MEDAG: variants seen among roughly 807,000 people sequenced by gnomAD.
The protein encoded by MEDAG is mesenteric estrogen-dependent adipogenesis protein.
Under a neutral mutation model 29.9 loss-of-function variants are expected in MEDAG, and 25 were observed. That is an observed-to-expected ratio of 0.84 (90% CI 0.61 to 1.17). MEDAG has a LOEUF of 1.17. Among genes scored for constraint, MEDAG ranks in the 50% most tolerant of loss-of-function variants. The pLI is 0.00. For synonymous variants in MEDAG, 158 were observed against 148.2 expected (o/e 1.07, Z -0.48); for missense variants, 398 against 372.9 (o/e 1.07, Z -0.56).
chr13:30,909,116 CAAAAA>C (rs10708028), intron 1 of MEDAG: 14 of 83,496 alleles, frequency 1.7e-4, no homozygotes, highest in South Asian at 4.7e-4. Context: ...GACCCTGTCT[CAAAAA>C]AAAAAAAAAA....
rs753747875 is a variant in MEDAG at position 30,906,608 on chromosome 13, G to A, written c.93G>A (p.Glu31=). 206 of 1,585,360 alleles carry A rather than the reference G, an allele frequency of 1.3e-4. No individual in the cohort carries two copies. The highest frequency in any genetic ancestry group is 1.6e-4 in the Non-Finnish European group (185 of 1,174,692). ...GCAGCCTGTGGACCTGCGACTGCGA[G>A]CTGGCCCTGCTGCCGCTGGCTCAGC... ...ELRSLWTCDC[E]LALLPLAQLL... The change falls in exon 1 of 5, where the codon GAG becomes GAA. Residue 31 remains glutamate (E), a synonymous_variant. Transcript: ENST00000380482.
intron 1 of MEDAG, among the ~76,000 whole-genome samples, chr13:30,907,531 A>T (rs931412880): frequency 6.6e-6 from 1 of 152,038 alleles, no homozygotes; most frequent in Non-Finnish European, 1.5e-5. Flanking sequence ...GACCGGCAGG[A>T]TGTGGCCCAG....
intron 2 of MEDAG, among the ~76,000 whole-genome samples, chr13:30,919,297 T>G (rs1298536700): frequency 6.6e-6 from 1 of 152,262 alleles, no homozygotes; most frequent in Admixed American, 6.5e-5. Context: ...TAAACTGCAC[T>G]TTTGTGCAAA....
At chr13:30,919,911 T>A (rs200286233) in intron 2 of MEDAG, among the ~76,000 whole-genome samples, 1 of 152,320 alleles carries the variant, frequency 6.6e-6, no homozygotes, top group East Asian at 1.9e-4. Context: ...TATTTCCTAA[T>A]GAGTAAACAA....
intron 4 of MEDAG, among the ~76,000 whole-genome samples, chr13:30,923,930 T>A (rs1202926495): frequency 6.6e-6 from 1 of 152,216 alleles, no homozygotes; most frequent in Admixed American, 6.5e-5. Context: ...CACCTCCTGC[T>A]TGTCACGTGG....
chr13:30,909,994 C>A (rs376130661), intron 1 of MEDAG, among the ~76,000 whole-genome samples: 1 of 152,096 alleles, frequency 6.6e-6, no homozygotes, highest in African/African-American at 2.4e-5. Context: ...CTTCAAAAAC[C>A]TACTTTAAAA....
At chr13:30,914,092 CT>C (rs1402175463) in intron 1 of MEDAG, among the ~76,000 whole-genome samples, 1 of 152,070 alleles carries the variant, frequency 6.6e-6, no homozygotes, top group Non-Finnish European at 1.5e-5. Context: ...TAACTAGTCC[CT>C]AATATAATCT....
At chr13:30,923,579 T>C (rs952910730) in intron 4 of MEDAG, among the ~76,000 whole-genome samples, 1 of 152,182 alleles carries the variant, frequency 6.6e-6, no homozygotes, top group Non-Finnish European at 1.5e-5. Flanking sequence ...TGCAATCATG[T>C]GGAGGATTAT....
intron 1 of MEDAG, among the ~76,000 whole-genome samples, 163 bp downstream of exon 1, chr13:30,906,956 G>A (rs1409486995): frequency 6.6e-6 from 1 of 152,216 alleles, no homozygotes; most frequent in Non-Finnish European, 1.5e-5. Context: ...ATCACCCGGA[G>A]CCTGCACGCT....
rs1320566022 is a variant in MEDAG at position 30,921,033 on chromosome 13, TGTAAACACGAG to T, written c.410_420del (p.Val137AlafsTer29). Reference sequence around the variant, plus strand: ...TTCTAGAAAGGACGTACGCGTTTCTTGTAAACACGAGGCACCCCAAGATAAGAAGACAGATA... The same window carrying T: ...TTCTAGAAAGGACGTACGCGTTTCTTGCACCCCAAGATAAGAAGACAGATA... On this transcript the variant is annotated frameshift_variant, in exon 3 of 5. Transcript: ENST00000380482. LOFTEE classifies it high-confidence loss of function. The T allele has an allele frequency of 2.4e-5, 39 of 1,613,944 alleles. No homozygotes were observed. The highest frequency in any genetic ancestry group is 3.1e-5 in the Non-Finnish European group (37 of 1,179,980).
chr13:30,924,642 A>C lies in MEDAG; in HGVS notation c.*207A>C. On this transcript the variant is annotated 3_prime_UTR_variant, in exon 5 of 5. Coordinates refer to ENST00000380482, the MANE Select transcript of MEDAG (RefSeq NM_032849.4). ...AGGGCAGCTGATTCCCCTAAAACTT[A>C]TGATTACCAGGATGGAAAGGCCTTG... The C allele has an allele frequency of 2.2e-6, 1 of 445,636 alleles. No individual in the cohort carries two copies. The allele number at this position is 445,636 out of a possible 1,614,324, so 27.6% of individuals were successfully genotyped here.
chr13:30,923,821 C>G (rs1473408337), intron 4 of MEDAG, among the ~76,000 whole-genome samples: 2 of 152,180 alleles, frequency 1.3e-5, no homozygotes, highest in Admixed American at 1.3e-4. Context: ...TGAAAGTTTA[C>G]TCTAAGCTGG....
chr13:30,918,469 TGATGTTGGAATGTC>T (rs1457133542), intron 2 of MEDAG, among the ~76,000 whole-genome samples: 2 of 152,346 alleles, frequency 1.3e-5, no homozygotes, highest in East Asian at 3.9e-4. Flanking sequence ...TTTCATGCCA[TGATGTTGGAATGTC>T]ATGTTTAGAC....
chr13:30,913,702 T>C (rs1307300081), intron 1 of MEDAG, among the ~76,000 whole-genome samples: 1 of 152,172 alleles, frequency 6.6e-6, no homozygotes, highest in Non-Finnish European at 1.5e-5. Context: ...CTATGATAAA[T>C]ATTCAATATG....
At chr13:30,914,445 A>T (rs1024779960) in intron 1 of MEDAG, among the ~76,000 whole-genome samples, 1 of 152,228 alleles carries the variant, frequency 6.6e-6, no homozygotes, top group African/African-American at 2.4e-5. Context: ...ATGCACTGTG[A>T]TGAGGTTTAC....
rs143112129 is a variant in MEDAG at position 30,910,954 on chromosome 13, T to C, written c.278+4161T>C. Reference sequence around the variant, plus strand: ...AGATGTGGTCTTAGATGTAGCAACCTGCTTAGGACAGCAGCCCCTTAGCAG... The same window carrying C: ...AGATGTGGTCTTAGATGTAGCAACCCGCTTAGGACAGCAGCCCCTTAGCAG... On this transcript the variant is annotated intron_variant, in intron 1 of 4. Coordinates refer to ENST00000380482, the MANE Select transcript of MEDAG (RefSeq NM_032849.4). 1.4e-3 allele frequency among the ~76,000 whole-genome samples: 210 copies of C among 152,352 alleles called. 1 individual carries two copies. The highest frequency in any genetic ancestry group is 2.6e-3 in the Non-Finnish European group (174 of 68,038).
chr13:30,920,864 T>C (rs1485712862), intron 2 of MEDAG, 150 bp from the exon 3 acceptor site: 1 of 615,774 alleles, frequency 1.6e-6, no homozygotes, highest in Non-Finnish European at 2.8e-6. Context: ...TGGCGAGGCT[T>C]TGTAGTAAGG....
At chr13:30,910,193 A>ACACACACACACACAC (rs1555264548) in intron 1 of MEDAG, among the ~76,000 whole-genome samples, 1 of 149,170 alleles carries the variant, frequency 6.7e-6, no homozygotes, top group East Asian at 2.0e-4. Flanking sequence ...CACACACACA[A>ACACACACACACACAC]ACACACACAC....
At chr13:30,921,189 G>A (rs1365292380) in intron 3 of MEDAG, 63 bp downstream of exon 3, 1 of 1,402,882 alleles carries the variant, frequency 7.1e-7, no homozygotes, top group Non-Finnish European at 1.0e-6. Context: ...TGCATTTCAT[G>A]CAGGAACTGA....
Sources: allele counts gnomAD v4.1 joint callset (sites outside exome capture counted in the v4.1 genomes callset), GRCh38; gene constraint gnomAD v4.1.1; transcripts MANE v1.5; gene names NCBI Gene and HGNC (gene_info 2026-07-23, HGNC 2026-07-21).